DAAM1: variants seen among roughly 807,000 people sequenced by gnomAD.
DAAM1 encodes the protein disheveled-associated activator of morphogenesis 1.
A neutral mutation model predicts 130.0 loss-of-function variants in DAAM1; 52 were observed. The ratio of observed to expected loss-of-function variants is 0.40; its 90% confidence interval spans 0.32 to 0.50. The LOEUF (loss-of-function observed/expected upper bound fraction) is 0.50. Among genes scored for constraint, DAAM1 ranks in the 20% least tolerant of loss-of-function variants. DAAM1 has a pLI of 0.61. For synonymous variants in DAAM1, 452 were observed against 444.5 expected, an observed-to-expected ratio of 1.02 and a Z score of -0.21; for missense variants, 1,134 against 1,303.8, an observed-to-expected ratio of 0.87 and a Z score of 2.01.
At chr14:59,244,958 A>T (rs1438516) in intron 1 of DAAM1, among the ~76,000 whole-genome samples, 54,575 of 151,664 alleles carry the variant, frequency 0.36, 10,311 homozygotes, top group East Asian at 0.49. Flanking sequence ...GAGTAGGAGG[A>T]GAACCAGTGA....
chr14:59,250,454 A>G (rs1478250354), intron 1 of DAAM1, among the ~76,000 whole-genome samples: 1 of 152,266 alleles, frequency 6.6e-6, no homozygotes, highest in Non-Finnish European at 1.5e-5. Context: ...ATTTATGGGC[A>G]TGGGTTTCAA....
chr14:59,325,482 G>T (rs185986023), intron 8 of DAAM1, among the ~76,000 whole-genome samples, 182 bp from the exon 9 acceptor site: 1 of 152,194 alleles, frequency 6.6e-6, no homozygotes, highest in Non-Finnish European at 1.5e-5. Context: ...GATCTGTTTC[G>T]CTCAGGTGAT....
intron 1 of DAAM1, among the ~76,000 whole-genome samples, chr14:59,263,113 G>A (rs1882253564): frequency 6.6e-6 from 1 of 152,210 alleles, no homozygotes; most frequent in South Asian, 2.1e-4. Flanking sequence ...AGAGTAACAA[G>A]AACAAACTAG....
chr14:59,293,468 G>A (rs999706530), intron 3 of DAAM1, among the ~76,000 whole-genome samples: 6 of 152,164 alleles, frequency 3.9e-5, no homozygotes, highest in African/African-American at 1.2e-4. Context: ...TATGGATGTG[G>A]TCACTGGCCT....
intron 3 of DAAM1, among the ~76,000 whole-genome samples, chr14:59,308,064 A>G (rs1053662728): frequency 4.6e-5 from 7 of 152,210 alleles, no homozygotes; most frequent in African/African-American, 1.7e-4. Context: ...GTTATCTGTG[A>G]GGACTATCAG....
At chr14:59,335,086 T>C (rs1885577467) in intron 15 of DAAM1, among the ~76,000 whole-genome samples, 1 of 152,196 alleles carries the variant, frequency 6.6e-6, no homozygotes, top group Non-Finnish European at 1.5e-5. Context: ...AAACATGGCT[T>C]GGTGTGTATT....
intron 4 of DAAM1, among the ~76,000 whole-genome samples, chr14:59,319,760 C>A (rs1884933969): frequency 6.6e-6 from 1 of 152,148 alleles, no homozygotes. Flanking sequence ...AACCTTGCTT[C>A]TGCGGCATCA....
At chr14:59,247,165 G>A (rs908662078) in intron 1 of DAAM1, among the ~76,000 whole-genome samples, 1 of 152,048 alleles carries the variant, frequency 6.6e-6, no homozygotes, top group Non-Finnish European at 1.5e-5. Flanking sequence ...CCATTAAATG[G>A]TCTAGTCTCC....
At chr14:59,249,278 GT>G (rs1370170476) in intron 1 of DAAM1, among the ~76,000 whole-genome samples, 1 of 152,204 alleles carries the variant, frequency 6.6e-6, no homozygotes, top group Non-Finnish European at 1.5e-5. Flanking sequence ...TCATAGGCAT[GT>G]TCCATTGGCA....
intron 1 of DAAM1, among the ~76,000 whole-genome samples, chr14:59,203,255 G>T (rs184502686): frequency 6.9e-6 from 1 of 145,414 alleles, no homozygotes; most frequent in African/African-American, 2.6e-5. Context: ...TGATCTGCCC[G>T]CCTTGGCCTC....
At chr14:59,189,378 CAG>C (rs1887656457) in intron 1 of DAAM1, among the ~76,000 whole-genome samples, 1 of 152,230 alleles carries the variant, frequency 6.6e-6, no homozygotes, top group Non-Finnish European at 1.5e-5. Context: ...TGTTTCAAAA[CAG>C]AGAGAAGGGA....
At chr14:59,357,301 G>A (rs1470333115) in intron 20 of DAAM1, 1 of 152,018 alleles carries the variant, frequency 6.6e-6, no homozygotes, top group Non-Finnish European at 1.5e-5. Flanking sequence ...GATGGCGGCT[G>A]GCATTTTGCT....
chr14:59,235,974 A>G (rs1889283031), intron 1 of DAAM1, among the ~76,000 whole-genome samples: 1 of 152,180 alleles, frequency 6.6e-6, no homozygotes, highest in Admixed American at 6.6e-5. Flanking sequence ...TTAGGAAAAT[A>G]GACTTGATAT....
chr14:59,254,617 G>A (rs944580625), intron 1 of DAAM1, among the ~76,000 whole-genome samples: 2 of 152,074 alleles, frequency 1.3e-5, no homozygotes, highest in African/African-American at 2.4e-5. Flanking sequence ...TGATGTCTTC[G>A]GGTGCTCCAA....
intron 3 of DAAM1, among the ~76,000 whole-genome samples, chr14:59,308,209 A>G (rs961483696): frequency 2.0e-5 from 3 of 152,188 alleles, no homozygotes; most frequent in African/African-American, 7.2e-5. Flanking sequence ...GAGCTTAGTT[A>G]TGTTTGTTAA....
At chr14:59,201,160 CAAAAAAAAAAAA>C (rs71111617) in intron 1 of DAAM1, among the ~76,000 whole-genome samples, 1 of 68,858 alleles carries the variant, frequency 1.5e-5, no homozygotes, top group African/African-American at 6.3e-5. Flanking sequence ...GACTCCGTCT[CAAAAAAAAAAAA>C]AAAAAAAAAA....
chr14:59,289,019 G>A (rs936146047), intron 2 of DAAM1, among the ~76,000 whole-genome samples: 1 of 152,114 alleles, frequency 6.6e-6, no homozygotes, highest in African/African-American at 2.4e-5. Context: ...AGGTTCAAGC[G>A]ATTCTCCTTC....
At chr14:59,347,108 T>C (rs1214530574) in intron 16 of DAAM1, among the ~76,000 whole-genome samples, 1 of 152,248 alleles carries the variant, frequency 6.6e-6, no homozygotes, top group African/African-American at 2.4e-5. Context: ...AACAATAACA[T>C]GTAGTTTCTA....
At chr14:59,214,919 A>G (rs1888531623) in intron 1 of DAAM1, among the ~76,000 whole-genome samples, 1 of 152,216 alleles carries the variant, frequency 6.6e-6, no homozygotes, top group Non-Finnish European at 1.5e-5. Context: ...GAAATGCCAA[A>G]TGGTTTTCTA....
Sources: gnomAD v4.1 joint callset for allele counts (sites outside exome capture counted in the v4.1 genomes callset) on GRCh38, gnomAD v4.1.1 for gene constraint, MANE v1.5 for transcripts, NCBI Gene and HGNC (gene_info 2026-07-23, HGNC 2026-07-21) for gene names.